PKM: variants seen among roughly 807,000 people sequenced by gnomAD.
The protein encoded by PKM is pyruvate kinase PKM.
In PKM, 18 loss-of-function variants were observed where a neutral mutation model predicts 49.8. The observed-to-expected ratio is 0.36, with a 90% CI of 0.25 to 0.54. PKM has a LOEUF of 0.54. Among genes scored for constraint, PKM ranks in the 20% least tolerant of loss-of-function variants. The pLI is 0.89. For missense variants in PKM, 508 were observed against 713.8 expected (o/e 0.71, Z 3.28); for synonymous variants, 239 against 261.8 (o/e 0.91, Z 0.84).
In PKM at chr15:72,208,874, TCACCAGGAAGTCGG is replaced by T; in HGVS notation, c.569_582del (p.Ala190AspfsTer44). ...AAGGAGCCACCATTTTCCACCTCCG[TCACCAGGAAGTCGG>T]CACCTGTATGAAAAAGGGTAAGTAG... On this transcript the variant is annotated frameshift_variant, in exon 6 of 11. Coordinates refer to ENST00000335181, the MANE Select transcript of PKM (RefSeq NM_002654.6). LOFTEE classifies it high-confidence loss of function. The T allele has an allele frequency of 6.2e-7, 1 of 1,613,936 alleles. No homozygotes were observed. Among genetic ancestry groups the T allele is most frequent in the Non-Finnish European group, 8.5e-7 (1 of 1,179,960 alleles).
chr15:72,223,177 T>A (rs1398229910), intron 1 of PKM, among the ~76,000 whole-genome samples: 2 of 151,810 alleles, frequency 1.3e-5, no homozygotes, highest in Non-Finnish European at 2.9e-5. Flanking sequence ...CACACCCAAC[T>A]CCCATGCTCC....
intron 3 of PKM, among the ~76,000 whole-genome samples, chr15:72,211,765 C>T (rs1377386219): frequency 2.0e-5 from 3 of 149,796 alleles, no homozygotes; most frequent in Non-Finnish European, 1.5e-5. Context: ...GCCATGATCA[C>T]ACCACTGCAC....
chr15:72,223,016 T>C (rs2082565647), intron 1 of PKM, among the ~76,000 whole-genome samples: 1 of 150,536 alleles, frequency 6.6e-6, no homozygotes, highest in South Asian at 2.1e-4. Flanking sequence ...TCCAACTTTT[T>C]TTTTTTCTTT....
chr15:72,209,603 T>G, intron 5 of PKM, 70 bp downstream of exon 5: 6 of 1,404,912 alleles, frequency 4.3e-6, no homozygotes, highest in Non-Finnish European at 6.1e-6. Context: ...CCTTCCCATC[T>G]TCCTTGTGTC....
At chr15:72,227,638 C>T (rs930030918) in intron 1 of PKM, among the ~76,000 whole-genome samples, 4 of 149,784 alleles carry the variant, frequency 2.7e-5, no homozygotes, top group Non-Finnish European at 5.9e-5. Context: ...CCAGCTACTT[C>T]GGGAGGCTGA....
chr15:72,200,600 G>A lies in PKM; in HGVS notation c.1363C>T (p.Arg455Trp), dbSNP rs2081919921. The change falls in exon 10 of 11, where the codon CGG (arginine) becomes TGG (tryptophan). Residue 455 changes from arginine to tryptophan, a missense_variant. Transcript: ENST00000335181. The surrounding 1 kb of genome is among the most constrained non-coding windows in gnomAD (Gnocchi z 4.6). ...GCCTGACGAGCTGTCTGGGGATTCCGGGTCACAGCAATGATGGGGGCACGT... is the reference window on the plus strand; with the variant it reads ...GCCTGACGAGCTGTCTGGGGATTCCAGGTCACAGCAATGATGGGGGCACGT... ...RPRAPIIAVTRNPQTARQAHL... is the reference protein window; with the variant it reads ...RPRAPIIAVTWNPQTARQAHL... 3 of 1,613,952 alleles carry A rather than the reference G, an allele frequency of 1.9e-6. No homozygotes were observed. The highest frequency in any genetic ancestry group is 2.5e-6 in the Non-Finnish European group (3 of 1,179,916).
chr15:72,211,297 G>C (rs2082247485), intron 3 of PKM, among the ~76,000 whole-genome samples: 1 of 152,044 alleles, frequency 6.6e-6, no homozygotes. Context: ...TCGATCTCCT[G>C]ATCTCGTGAT....
intron 1 of PKM, chr15:72,228,726 C>G: frequency 1.4e-6 from 1 of 738,726 alleles, no homozygotes; most frequent in South Asian, 1.5e-5. Flanking sequence ...CCTCAGGCCA[C>G]CAAAGGGCAA....
intron 1 of PKM, among the ~76,000 whole-genome samples, chr15:72,221,828 A>C (rs976691715): frequency 6.6e-6 from 1 of 152,082 alleles, no homozygotes; most frequent in African/African-American, 2.4e-5. Flanking sequence ...TAAAAAAAAA[A>C]AACGATACAA....
intron 1 of PKM, among the ~76,000 whole-genome samples, chr15:72,224,463 A>G (rs2082607381): frequency 1.3e-5 from 2 of 152,282 alleles, no homozygotes; most frequent in African/African-American, 2.4e-5. Flanking sequence ...ACTAGTTACT[A>G]TGACTGGTCT....
rs1473306460 is a variant in PKM at position 72,209,867 on chromosome 15, CAA to C, written c.379-10_379-9del. 6.2e-7 allele frequency: 1 copy of C among 1,613,590 alleles called. No individual in the cohort carries two copies. Among genetic ancestry groups the C allele is most frequent in the Non-Finnish European group, 8.5e-7 (1 of 1,179,588 alleles). ...CACCTCTGCAGTGCCGCTCTAGGGACAAGAGAGTAAGCAAGAGTCCAAACTGG... is the reference window on the plus strand; with the variant it reads ...CACCTCTGCAGTGCCGCTCTAGGGACGAGAGTAAGCAAGAGTCCAAACTGG... On this transcript the variant is annotated splice_polypyrimidine_tract_variant and intron_variant, in intron 4 of 10. Transcript: ENST00000335181.
chr15:72,228,010 G>A (rs2082730751), intron 1 of PKM, among the ~76,000 whole-genome samples: 1 of 152,140 alleles, frequency 6.6e-6, no homozygotes, highest in Non-Finnish European at 1.5e-5. Context: ...TAGAGTCACC[G>A]CCACCAAATT....
intron 3 of PKM, among the ~76,000 whole-genome samples, chr15:72,214,313 C>T (rs1313369847): frequency 6.6e-6 from 1 of 152,050 alleles, no homozygotes; most frequent in African/African-American, 2.4e-5. Flanking sequence ...GATGTAAAAC[C>T]ATATATTATA....
intron 5 of PKM, among the ~76,000 whole-genome samples, chr15:72,209,342 C>T (rs1176373210): frequency 6.8e-6 from 1 of 147,800 alleles, no homozygotes; most frequent in Non-Finnish European, 1.5e-5. Context: ...GCACTCCAGC[C>T]TGGGCAACAG....
intron 3 of PKM, among the ~76,000 whole-genome samples, chr15:72,211,180 C>T (rs1160842285): frequency 6.6e-6 from 1 of 151,962 alleles, no homozygotes; most frequent in Non-Finnish European, 1.5e-5. Flanking sequence ...ATTCTCCTGC[C>T]TCTCAGCCTC....
intron 7 of PKM, 41 bp from the exon 8 acceptor site, chr15:72,206,921 G>A (rs1287069429): frequency 6.2e-7 from 1 of 1,609,926 alleles, no homozygotes; most frequent in Non-Finnish European, 8.5e-7. Flanking sequence ...AGCTTGAGCT[G>A]TCTTCAGAGA....
In PKM at chr15:72,213,266, G is replaced by A. The variant is rs372363196; in HGVS notation, c.247-2788C>T. 1.3e-4 allele frequency among the ~76,000 whole-genome samples: 20 copies of A among 152,268 alleles called. No individual in the cohort carries two copies. In the East Asian group the frequency reaches 2.5e-3, roughly 19 times the overall value. On this transcript the variant is annotated intron_variant, in intron 3 of 10. Coordinates refer to ENST00000335181, the MANE Select transcript of PKM (RefSeq NM_002654.6). Reference sequence around the variant, plus strand: ...TCTAGCACACTAACTGTTAGTACCTGCCTGGTTTTGGTACTGTCCTTGTTT... The same window carrying A: ...TCTAGCACACTAACTGTTAGTACCTACCTGGTTTTGGTACTGTCCTTGTTT...
At position 72,209,800 on chromosome 15, in the gene PKM, G is replaced by C; in HGVS notation, c.438C>G (p.Asn146Lys). 1 of 1,613,876 alleles carries C rather than the reference G, an allele frequency of 6.2e-7. No homozygotes were observed. Among genetic ancestry groups the C allele is most frequent in the Middle Eastern group, 1.6e-4 (1 of 6,062 alleles). Residue 146 changes from asparagine (N) to lysine (K), a missense_variant, in exon 5 of 11, where the codon AAC (asparagine) becomes AAG (lysine). Asn to Lys is a moderately conservative substitution (Grantham distance 94). Transcript: ENST00000335181. ...TCTCGTCACACTTTTCCATGTAGGC[G>C]TTATCCAGCGTGATTTTGAGAGTGG... ...KGATLKITLD[N>K]AYMEKCDENI...
chr15:72,200,769 C>T lies in PKM; in HGVS notation c.1308-114G>A, dbSNP rs2081925969. 2 of 872,886 alleles carry T rather than the reference C, an allele frequency of 2.3e-6. No homozygotes were observed. The highest frequency in any genetic ancestry group is 5.1e-5 in the East Asian group (2 of 39,092). The allele number at this position is 872,886 out of a possible 1,614,324, so 54.1% of individuals were successfully genotyped here. A position where few individuals can be genotyped will look rare whatever the true frequency, so the allele number is the denominator to read the frequency against. On this transcript the variant is annotated intron_variant, in intron 9 of 10. Coordinates refer to ENST00000335181, the MANE Select transcript of PKM (RefSeq NM_002654.6). This position sits in a 1 kb window ranked among gnomAD's most constrained non-coding sequence, Gnocchi z 4.6. The stretch of plus-strand genomic sequence containing the variant: ...TCCAGCTCACTGAGGGCTCTGGCCT[C>T]TTCAACATCTGCTCCCTAGGACCCC...
Sources: allele counts gnomAD v4.1 joint callset (sites outside exome capture counted in the v4.1 genomes callset), GRCh38; gene constraint gnomAD v4.1.1; non-coding constraint Gnocchi (gnomAD v3.1); transcripts MANE v1.5; gene names NCBI Gene and HGNC (gene_info 2026-07-23, HGNC 2026-07-21).